KCNH1: variants seen among roughly 807,000 people sequenced by gnomAD.
KCNH1 encodes potassium voltage-gated channel subfamily H member 1.
KCNH1 carries 27 observed loss-of-function variants against 69.2 expected under a neutral mutation model. The ratio of observed to expected loss-of-function variants is 0.39; its 90% CI spans 0.29 to 0.54. The LOEUF (loss-of-function observed/expected upper bound fraction) is 0.54, where lower values mean the gene tolerates loss of function less well. Ranked by LOEUF, KCNH1 falls within the 20% of genes least tolerant of loss-of-function variation. The pLI is 0.68. For missense variants in KCNH1, 798 were observed against 1,261.6 expected (o/e 0.63, Z 5.57); for synonymous variants, 456 against 487.7 (o/e 0.93, Z 0.86).
intron 10 of KCNH1, among the ~76,000 whole-genome samples, chr1:210,737,153 A>C (rs1682899888): frequency 6.6e-6 from 1 of 152,188 alleles, no homozygotes; most frequent in African/African-American, 2.4e-5. Context: ...TTCCAGTGGA[A>C]AGTAAGGAGA....
At chr1:211,072,086 G>T (rs1454748233) in intron 5 of KCNH1, among the ~76,000 whole-genome samples, 1 of 152,072 alleles carries the variant, frequency 6.6e-6, no homozygotes, top group Non-Finnish European at 1.5e-5. Context: ...GACCAGCCTG[G>T]CCAGCATGGT....
intron 1 of KCNH1, among the ~76,000 whole-genome samples, chr1:211,131,850 T>G (rs559072428): frequency 6.6e-6 from 1 of 152,330 alleles, no homozygotes; most frequent in East Asian, 1.9e-4. Flanking sequence ...TGCTATTCAT[T>G]TGATTGGTTA....
intron 8 of KCNH1, 59 bp from the exon 9 acceptor site, chr1:210,797,819 C>T (rs1684348890): frequency 1.3e-6 from 2 of 1,565,506 alleles, no homozygotes; most frequent in South Asian, 2.4e-5. Flanking sequence ...CAGCCCACAT[C>T]CTTCAGCACT....
At chr1:211,095,588 A>C (rs368303095) in intron 3 of KCNH1, among the ~76,000 whole-genome samples, 1 of 152,202 alleles carries the variant, frequency 6.6e-6, no homozygotes, top group Admixed American at 6.5e-5. Context: ...GCCTCCATCA[A>C]TCTTTTTTCT....
chr1:210,766,088 T>A (rs909835215), intron 10 of KCNH1, among the ~76,000 whole-genome samples: 1 of 151,808 alleles, frequency 6.6e-6, no homozygotes, highest in East Asian at 1.9e-4. Flanking sequence ...AAAAAGAATG[T>A]ATAGCAGTAA....
At chr1:210,779,016 G>T (rs896657804) in intron 9 of KCNH1, among the ~76,000 whole-genome samples, 8 of 152,100 alleles carry the variant, frequency 5.3e-5, no homozygotes, top group Non-Finnish European at 8.8e-5. Flanking sequence ...AAAACAAGGG[G>T]CAACCATATT....
rs1384467736 is a variant in KCNH1 at position 210,682,534 on chromosome 1, A to G, written c.*747T>C. ...AGGCACTCCAGAGCCCTCCCTGTCA[A>G]CTGTCCCAGAGGAGCAGGCTATGGG... On this transcript the variant is annotated 3_prime_UTR_variant, in exon 11 of 11. Coordinates refer to ENST00000271751, the MANE Select transcript of KCNH1 (RefSeq NM_172362.3). The G allele has an allele frequency of 6.6e-6, 1 of 152,372 alleles. No individual in the cohort carries two copies. The highest frequency in any genetic ancestry group is 2.4e-5 in the African/African-American group (1 of 41,432). The allele number at this position is 152,372 out of a possible 1,614,324, so 9.4% of individuals were successfully genotyped here. A position where few individuals can be genotyped will look rare whatever the true frequency, so the allele number is the denominator to read the frequency against.
At chr1:210,752,699 A>G (rs1683307484) in intron 10 of KCNH1, among the ~76,000 whole-genome samples, 1 of 152,118 alleles carries the variant, frequency 6.6e-6, no homozygotes, top group African/African-American at 2.4e-5. Flanking sequence ...AGGAAATTAG[A>G]AAGAGGAAGA....
At chr1:210,904,031 C>T (rs1687047487) in intron 7 of KCNH1, among the ~76,000 whole-genome samples, 2 of 152,138 alleles carry the variant, frequency 1.3e-5, no homozygotes, top group African/African-American at 2.4e-5. Context: ...TAGTAGTTCT[C>T]CTGTTCTGCA....
intron 6 of KCNH1, among the ~76,000 whole-genome samples, chr1:210,984,679 G>A (rs1391911437): frequency 2.0e-5 from 3 of 152,126 alleles, no homozygotes; most frequent in Non-Finnish European, 4.4e-5. Context: ...TGCTGGATTT[G>A]GTTTGCCAGT....
At chr1:210,999,869 C>T (rs930853804) in intron 6 of KCNH1, among the ~76,000 whole-genome samples, 2 of 152,100 alleles carry the variant, frequency 1.3e-5, no homozygotes, top group African/African-American at 2.4e-5. Flanking sequence ...CATACCCAAA[C>T]CAATAAACAT....
At chr1:210,982,047 T>A (rs1312754353) in intron 6 of KCNH1, among the ~76,000 whole-genome samples, 1 of 151,972 alleles carries the variant, frequency 6.6e-6, no homozygotes, top group Non-Finnish European at 1.5e-5. Flanking sequence ...AGGCAAGAAC[T>A]AGAAAATTGG....
intron 1 of KCNH1, among the ~76,000 whole-genome samples, chr1:211,114,305 C>A (rs1691529295): frequency 6.6e-6 from 1 of 152,068 alleles, no homozygotes; most frequent in African/African-American, 2.4e-5. Flanking sequence ...GCAATCTGAA[C>A]CCACCCAGAA....
intron 6 of KCNH1, among the ~76,000 whole-genome samples, chr1:210,956,700 T>G (rs1574360448): frequency 6.6e-6 from 1 of 152,190 alleles, no homozygotes; most frequent in East Asian, 1.9e-4. Flanking sequence ...TTTATTTGCA[T>G]AGAGGTGTTT....
intron 10 of KCNH1, among the ~76,000 whole-genome samples, chr1:210,700,968 C>T (rs1037598752): frequency 7.2e-5 from 11 of 152,012 alleles, no homozygotes; most frequent in South Asian, 2.1e-4. Flanking sequence ...GATGGAGTTT[C>T]GCTCTGTCGC....
intron 7 of KCNH1, among the ~76,000 whole-genome samples, chr1:210,895,961 C>A (rs143584438): frequency 6.6e-6 from 1 of 152,160 alleles, no homozygotes; most frequent in Admixed American, 6.6e-5. Flanking sequence ...CAGACAACCA[C>A]GAGAGATTCT....
intron 9 of KCNH1, among the ~76,000 whole-genome samples, chr1:210,788,334 T>G (rs577377474): frequency 4.6e-5 from 7 of 152,356 alleles, no homozygotes; most frequent in African/African-American, 1.4e-4. Flanking sequence ...TATATTCTGC[T>G]TTTATCCCAC....
At chr1:211,069,664 G>A (rs930587183) in intron 5 of KCNH1, among the ~76,000 whole-genome samples, 2 of 152,044 alleles carry the variant, frequency 1.3e-5, no homozygotes, top group Non-Finnish European at 2.9e-5. Context: ...CATGTCAATA[G>A]AGACCTCCAA....
chr1:210,865,976 T>C (rs1686098831), intron 7 of KCNH1, among the ~76,000 whole-genome samples: 2 of 152,028 alleles, frequency 1.3e-5, no homozygotes, highest in African/African-American at 4.8e-5. Flanking sequence ...TCAGCTTTAG[T>C]TGAAAAAAAA....
Sources: allele counts gnomAD v4.1 joint callset (sites outside exome capture counted in the v4.1 genomes callset), GRCh38; gene constraint gnomAD v4.1.1; transcripts MANE v1.5; gene names NCBI Gene and HGNC (gene_info 2026-07-23, HGNC 2026-07-21).